The following PCDH9 variants were observed in gnomAD, a reference collection of about 807,000 sequenced individuals.
PCDH9 encodes the protein protocadherin-9.
PCDH9 carries 24 observed loss-of-function variants against 70.6 expected under a neutral mutation model. The observed-to-expected ratio is 0.34, with a 90% CI of 0.25 to 0.48. The LOEUF is 0.48. PCDH9 is among the 20% of genes least tolerant of loss of function. The pLI is 0.99. For synonymous variants in PCDH9, 562 were observed against 558.5 expected, an observed-to-expected ratio of 1.01 and a Z score of -0.09; for missense variants, 1,281 against 1,503.6, an observed-to-expected ratio of 0.85 and a Z score of 2.45.
At chr13:66,670,910 T>C (rs61960085) in intron 3 of PCDH9, among the ~76,000 whole-genome samples, 2 of 115,678 alleles carry the variant, frequency 1.7e-5, no homozygotes, top group South Asian at 3.0e-4. Context: ...TGTGTTCTTA[T>C]TTAAAAAAAA....
intron 2 of PCDH9, among the ~76,000 whole-genome samples, chr13:67,053,284 C>A (rs897741752): frequency 6.6e-6 from 1 of 152,124 alleles, no homozygotes; most frequent in African/African-American, 2.4e-5. Context: ...TAGAACTTTA[C>A]TTTTGCTCTA....
intron 2 of PCDH9, among the ~76,000 whole-genome samples, chr13:67,116,453 G>GGAA (rs1363006047): frequency 6.6e-6 from 1 of 151,988 alleles, no homozygotes; most frequent in Non-Finnish European, 1.5e-5. Flanking sequence ...AGGAGGAGGA[G>GGAA]GAAAAAGTTT....
intron 4 of PCDH9, among the ~76,000 whole-genome samples, chr13:66,588,152 T>C (rs987873601): frequency 6.6e-6 from 1 of 151,956 alleles, no homozygotes; most frequent in Non-Finnish European, 1.5e-5. Flanking sequence ...CACATAGACA[T>C]CTATAATTTT....
At chr13:67,089,630 C>G (rs1216219557) in intron 2 of PCDH9, among the ~76,000 whole-genome samples, 2 of 151,804 alleles carry the variant, frequency 1.3e-5, no homozygotes, top group East Asian at 3.9e-4. Context: ...AAAATGAGCT[C>G]CAGAAATGTA....
At chr13:66,788,648 A>ATTTTTTTTT (rs58386697) in intron 3 of PCDH9, among the ~76,000 whole-genome samples, 3 of 81,886 alleles carry the variant, frequency 3.7e-5, no homozygotes, top group Admixed American at 1.5e-4. Flanking sequence ...CTAAACAGTA[A>ATTTTTTTTT]TTTTTTTTTT....
intron 3 of PCDH9, among the ~76,000 whole-genome samples, chr13:66,725,368 T>A (rs533639291): frequency 2.6e-5 from 4 of 152,332 alleles, no homozygotes; most frequent in Non-Finnish European, 5.9e-5. Context: ...CTGTTGCCTA[T>A]CAAGACCACA....
intron 3 of PCDH9, among the ~76,000 whole-genome samples, chr13:66,760,641 G>C (rs530469804): frequency 6.6e-6 from 1 of 152,166 alleles, no homozygotes; most frequent in Non-Finnish European, 1.5e-5. Flanking sequence ...TAAAAGAACA[G>C]GATATCAGCG....
chr13:66,892,228 TATA>T (rs1000936666), intron 3 of PCDH9, among the ~76,000 whole-genome samples: 36 of 147,610 alleles, frequency 2.4e-4, no homozygotes, highest in Non-Finnish European at 4.9e-4. Context: ...AATATATATA[TATA>T]ATGTGTGTGT....
At chr13:66,910,583 T>C (rs2082445437) in intron 2 of PCDH9, among the ~76,000 whole-genome samples, 1 of 152,188 alleles carries the variant, frequency 6.6e-6, no homozygotes. Flanking sequence ...CTAAGGATCT[T>C]AAAGTCCGAA....
chr13:66,361,304 G>C (rs1021197079), intron 4 of PCDH9, among the ~76,000 whole-genome samples: 3 of 152,050 alleles, frequency 2.0e-5, no homozygotes, highest in African/African-American at 7.2e-5. Flanking sequence ...AATTAAATGA[G>C]TTAAAATGCA....
intron 2 of PCDH9, among the ~76,000 whole-genome samples, chr13:66,954,757 C>CT (rs1335716460): frequency 6.6e-6 from 1 of 151,998 alleles, no homozygotes. Flanking sequence ...TGAGATAGAA[C>CT]TTTTTTTGTT....
chr13:66,416,730 G>T (rs1016911202), intron 4 of PCDH9, among the ~76,000 whole-genome samples: 1 of 152,082 alleles, frequency 6.6e-6, no homozygotes, highest in Non-Finnish European at 1.5e-5. Flanking sequence ...TTCACACGTA[G>T]AATTTTATCT....
chr13:66,763,599 A>G (rs1260850640), intron 3 of PCDH9, among the ~76,000 whole-genome samples: 1 of 152,086 alleles, frequency 6.6e-6, no homozygotes, highest in Non-Finnish European at 1.5e-5. Flanking sequence ...GTAGAGAGGA[A>G]TGAGTAGTCA....
intron 3 of PCDH9, among the ~76,000 whole-genome samples, chr13:66,738,043 G>A (rs977382567): frequency 6.6e-6 from 1 of 152,198 alleles, no homozygotes; most frequent in Non-Finnish European, 1.5e-5. Context: ...TCTGGGGGCA[G>A]GGCACAGACA....
chr13:66,329,533 T>C (rs1955902988), intron 4 of PCDH9, among the ~76,000 whole-genome samples: 1 of 152,070 alleles, frequency 6.6e-6, no homozygotes, highest in Non-Finnish European at 1.5e-5. Flanking sequence ...CTTGAGAGAG[T>C]ATAGCACTGT....
intron 1 of PCDH9, among the ~76,000 whole-genome samples, chr13:67,228,812 C>A (rs1373702089): frequency 6.6e-6 from 1 of 152,146 alleles, no homozygotes; most frequent in Non-Finnish European, 1.5e-5. Context: ...TACCTATATT[C>A]ACGCACGTTG....
intron 3 of PCDH9, among the ~76,000 whole-genome samples, chr13:66,651,914 A>T (rs1054287284): frequency 6.6e-6 from 1 of 152,048 alleles, no homozygotes; most frequent in African/African-American, 2.4e-5. Context: ...ACAAACCATA[A>T]CATCCTTTCA....
chr13:67,164,512 C>G (rs1434286388), intron 2 of PCDH9, among the ~76,000 whole-genome samples: 1 of 149,046 alleles, frequency 6.7e-6, no homozygotes, highest in Non-Finnish European at 1.5e-5. Context: ...AGGCAGAGGT[C>G]GCAGTGAGCT....
At chr13:67,179,390 C>T (rs969902243) in intron 2 of PCDH9, among the ~76,000 whole-genome samples, 1 of 152,072 alleles carries the variant, frequency 6.6e-6, no homozygotes, top group Non-Finnish European at 1.5e-5. Flanking sequence ...AGGTGCTTGT[C>T]ATAGAGTCAG....
Sources: allele counts gnomAD v4.1 joint callset (sites outside exome capture counted in the v4.1 genomes callset), GRCh38; gene constraint gnomAD v4.1.1; transcripts MANE v1.5; gene names NCBI Gene and HGNC (gene_info 2026-07-23, HGNC 2026-07-21).